Variants in NRG3 observed in about 807,000 individuals in gnomAD.
The protein encoded by NRG3 is neuregulin 3.
NRG3 carries 31 observed loss-of-function variants against 66.9 expected under a neutral mutation model. The ratio of observed to expected loss-of-function variants is 0.46; its 90% confidence interval spans 0.35 to 0.63. The LOEUF is 0.63. NRG3 is among the 20% of genes least tolerant of loss of function. The probability of loss-of-function intolerance (pLI) is 0.00; values close to 1 mark genes in which losing one functional copy is unlikely to be tolerated. For synonymous variants in NRG3, 393 were observed against 359.4 expected, an observed-to-expected ratio of 1.09 and a Z score of -1.06; for missense variants, 910 against 878.9, an observed-to-expected ratio of 1.04 and a Z score of -0.45.
chr10:82,812,205 C>T (rs1487347248), intron 3 of NRG3, among the ~76,000 whole-genome samples: 2 of 152,148 alleles, frequency 1.3e-5, no homozygotes, highest in Non-Finnish European at 2.9e-5. Flanking sequence ...TCTATTTCTC[C>T]CAGTCTCCTC....
chr10:82,509,130 C>T (rs1844938625), intron 2 of NRG3, among the ~76,000 whole-genome samples: 1 of 152,080 alleles, frequency 6.6e-6, no homozygotes, highest in Non-Finnish European at 1.5e-5. Flanking sequence ...CCCAAACTCC[C>T]CTCCCTCCTC....
intron 1 of NRG3, among the ~76,000 whole-genome samples, chr10:82,285,906 G>T (rs1370026349): frequency 6.6e-6 from 1 of 152,084 alleles, no homozygotes; most frequent in African/African-American, 2.4e-5. Context: ...ACATGGAAGG[G>T]GCATACTGCT....
intron 2 of NRG3, among the ~76,000 whole-genome samples, chr10:82,629,930 A>C (rs1327915140): frequency 6.6e-6 from 1 of 152,182 alleles, no homozygotes; most frequent in East Asian, 1.9e-4. Flanking sequence ...ATGAAGAGAA[A>C]GGGAGTGAAA....
intron 1 of NRG3, among the ~76,000 whole-genome samples, chr10:82,272,087 T>C (rs539976431): frequency 3.9e-5 from 6 of 152,190 alleles, no homozygotes; most frequent in Non-Finnish European, 7.4e-5. Flanking sequence ...ATTTTAGATG[T>C]TGACATTTTC....
At chr10:82,130,663 G>T (rs2132490010) in intron 1 of NRG3, among the ~76,000 whole-genome samples, 1 of 152,216 alleles carries the variant, frequency 6.6e-6, no homozygotes. Flanking sequence ...CTACCACAAA[G>T]TACAAGGGTT....
chr10:81,903,506 G>A (rs1844273236), intron 1 of NRG3, among the ~76,000 whole-genome samples: 1 of 152,210 alleles, frequency 6.6e-6, no homozygotes, highest in South Asian at 2.1e-4. Context: ...ATGTTGCATA[G>A]AGACATCATA....
intron 3 of NRG3, among the ~76,000 whole-genome samples, chr10:82,820,119 G>C (rs1385807650): frequency 1.3e-5 from 2 of 152,144 alleles, no homozygotes; most frequent in African/African-American, 2.4e-5. Flanking sequence ...GAGAGGTTTG[G>C]ATAGCAGAGA....
chr10:82,728,897 G>A (rs1169255650), intron 2 of NRG3, among the ~76,000 whole-genome samples: 1 of 152,178 alleles, frequency 6.6e-6, no homozygotes, highest in East Asian at 1.9e-4. Context: ...GAGATAGCCT[G>A]ACTGTCCTCT....
chr10:82,423,976 G>A (rs1007644469), intron 2 of NRG3, among the ~76,000 whole-genome samples: 1 of 151,946 alleles, frequency 6.6e-6, no homozygotes. Flanking sequence ...AAGTACTTCA[G>A]CCTTTTATGA....
At chr10:82,459,979 G>A (rs1437781906) in intron 2 of NRG3, among the ~76,000 whole-genome samples, 1 of 152,224 alleles carries the variant, frequency 6.6e-6, no homozygotes, top group African/African-American at 2.4e-5. Flanking sequence ...TAATGGCAAG[G>A]TCATGATTCT....
At chr10:82,106,315 G>C (rs1035619486) in intron 1 of NRG3, among the ~76,000 whole-genome samples, 14 of 152,156 alleles carry the variant, frequency 9.2e-5, no homozygotes, top group African/African-American at 3.4e-4. Context: ...GCTGAGCCAA[G>C]GGCATAGATG....
At chr10:82,553,007 C>T (rs896322833) in intron 2 of NRG3, among the ~76,000 whole-genome samples, 4 of 151,414 alleles carry the variant, frequency 2.6e-5, no homozygotes, top group Non-Finnish European at 5.9e-5. Context: ...TTATCTGTTT[C>T]CAAGTAGAGA....
At chr10:82,494,154 G>A (rs1484694119) in intron 2 of NRG3, among the ~76,000 whole-genome samples, 1 of 152,144 alleles carries the variant, frequency 6.6e-6, no homozygotes, top group African/African-American at 2.4e-5. Context: ...ATGTAAATTA[G>A]TTCAACCATT....
chr10:82,642,062 T>C (rs566217929), intron 2 of NRG3, among the ~76,000 whole-genome samples: 37 of 152,258 alleles, frequency 2.4e-4, no homozygotes, highest in Admixed American at 7.2e-4. Context: ...TATGTCCACG[T>C]GTGCATATTT....
chr10:82,392,896 A>AT (rs565734964), intron 2 of NRG3, among the ~76,000 whole-genome samples: 7 of 149,856 alleles, frequency 4.7e-5, no homozygotes, highest in Admixed American at 6.6e-5. Context: ...ATATATATAT[A>AT]TATTTTTTGC....
At chr10:82,960,611 C>T (rs1371629382) in intron 6 of NRG3, among the ~76,000 whole-genome samples, 1 of 152,128 alleles carries the variant, frequency 6.6e-6, no homozygotes, top group South Asian at 2.1e-4. Context: ...TCCAGATGGC[C>T]GGTTCCTGCC....
intron 2 of NRG3, among the ~76,000 whole-genome samples, chr10:82,416,763 G>A (rs936175661): frequency 1.3e-5 from 2 of 152,024 alleles, no homozygotes; most frequent in Admixed American, 6.6e-5. Context: ...CTGCCTTTGC[G>A]TAGAGGATAC....
chr10:82,655,421 A>G (rs752031471), intron 2 of NRG3, among the ~76,000 whole-genome samples: 62 of 152,280 alleles, frequency 4.1e-4, no homozygotes, highest in Non-Finnish European at 6.9e-4. Flanking sequence ...GATTATGCAA[A>G]CACACATGAA....
At chr10:82,300,521 C>A (rs769860156) in intron 1 of NRG3, among the ~76,000 whole-genome samples, 2 of 152,062 alleles carry the variant, frequency 1.3e-5, no homozygotes, top group African/African-American at 2.4e-5. Context: ...TTTGTACTAT[C>A]GGGAAAGAAC....
Sources: gnomAD v4.1 joint callset for allele counts (sites outside exome capture counted in the v4.1 genomes callset) on GRCh38, gnomAD v4.1.1 for gene constraint, MANE v1.5 for transcripts, NCBI Gene and HGNC (gene_info 2026-07-23, HGNC 2026-07-21) for gene names.